ENPP1: variants seen among roughly 807,000 people sequenced by gnomAD.
ENPP1 encodes ectonucleotide pyrophosphatase/phosphodiesterase 1, also known as ectonucleotide pyrophosphatase/phosphodiesterase family member 1.
A neutral mutation model predicts 122.8 loss-of-function variants in ENPP1; 73 were observed. That is an observed-to-expected ratio of 0.59 (90% CI 0.49 to 0.72). The LOEUF is 0.72. Ranked by LOEUF, ENPP1 falls within the 30% of genes least tolerant of loss-of-function variation. The probability of loss-of-function intolerance (pLI) is 0.00; values close to 1 mark genes in which losing one functional copy is unlikely to be tolerated. For synonymous variants in ENPP1, 367 were observed against 391.6 expected (o/e 0.94, Z 0.74); for missense variants, 978 against 1,128.1 (o/e 0.87, Z 1.91).
At chr6:131,852,531 G>T (rs983708690) in intron 5 of ENPP1, among the ~76,000 whole-genome samples, 1 of 152,122 alleles carries the variant, frequency 6.6e-6, no homozygotes, top group Non-Finnish European at 1.5e-5. Flanking sequence ...GGATTTTGAA[G>T]CATTTGAGAT....
chr6:131,894,389 A>G lies in ENPP1; in HGVS notation c.*3878A>G, dbSNP rs1782519591. ...CAACCTCCACCTCCGGGGTTCTAGC[A>G]ATTCTCCTGCCTCAGCCTCCTGAGT... On this transcript the variant is annotated 3_prime_UTR_variant, in exon 25 of 25. Transcript: ENST00000647893. 1 of 151,252 alleles carries G rather than the reference A, an allele frequency of 6.6e-6. No individual in the cohort carries two copies. The allele number at this position is 151,252 out of a possible 1,614,324, so 9.4% of individuals were successfully genotyped here. A position where few individuals can be genotyped will look rare whatever the true frequency, so the allele number is the denominator to read the frequency against.
In ENPP1 at chr6:131,834,743, TAG is replaced by T. The variant is rs1781654230; in HGVS notation, c.241-13029_241-13028del. ...TAGAGACGGGGTTTCACCATTTTAGTAGAGACGGGGTTTCACCATGTTGGCCA... is the reference window on the plus strand; with the variant it reads ...TAGAGACGGGGTTTCACCATTTTAGTAGACGGGGTTTCACCATGTTGGCCA... On this transcript the variant is annotated intron_variant, in intron 1 of 24. Transcript: ENST00000647893. Among the ~76,000 whole-genome samples, 9 of 142,596 alleles carry T rather than the reference TAG, an allele frequency of 6.3e-5. No homozygotes were observed. The South Asian group carries it at 2.1e-3, about 34-fold the overall frequency. The allele number at this position is 142,596 out of a possible 152,430, so 93.5% of individuals were successfully genotyped here.
intron 23 of ENPP1, among the ~76,000 whole-genome samples, chr6:131,886,080 TAA>T (rs1782373556): frequency 6.6e-6 from 1 of 152,172 alleles, no homozygotes; most frequent in African/African-American, 2.4e-5. Flanking sequence ...TTTAAAAAAT[TAA>T]GTTATTAAGG....
intron 1 of ENPP1, among the ~76,000 whole-genome samples, chr6:131,822,578 C>CT (rs144693669): frequency 0.018 from 2,584 of 146,970 alleles, 65 homozygotes; most frequent in African/African-American, 0.055. Context: ...GTACATATCA[C>CT]TTTTAAAAAA....
intron 16 of ENPP1, among the ~76,000 whole-genome samples, chr6:131,874,658 C>G (rs1465556135): frequency 6.6e-6 from 1 of 151,988 alleles, no homozygotes; most frequent in Non-Finnish European, 1.5e-5. Context: ...AAAAATGAAA[C>G]TACCCCTAAT....
At chr6:131,853,973 A>G (rs78683307) in intron 5 of ENPP1, among the ~76,000 whole-genome samples, 75 of 152,278 alleles carry the variant, frequency 4.9e-4, no homozygotes, top group African/African-American at 1.7e-3. Context: ...TTGTATATGT[A>G]TGTATGTGTT....
At chr6:131,816,367 AC>A (rs1315268435) in intron 1 of ENPP1, among the ~76,000 whole-genome samples, 2 of 152,036 alleles carry the variant, frequency 1.3e-5, no homozygotes, top group East Asian at 3.9e-4. Flanking sequence ...ACCATAAAAT[AC>A]CCCCCAAACA....
In ENPP1 at chr6:131,889,423, C is replaced by T. The variant is rs535120460; in HGVS notation, c.2608-918C>T. On this transcript the variant is annotated intron_variant, in intron 24 of 24. Coordinates refer to ENST00000647893, the MANE Select transcript of ENPP1 (RefSeq NM_006208.3). ...CAACAGGCCCCAGTGTATTTTCTTC[C>T]CCCACACGTGTTTATGTGTTCTCAT... Among the ~76,000 whole-genome samples, 59 of 152,140 alleles carry T rather than the reference C, an allele frequency of 3.9e-4. 1 individual carries two copies. The South Asian group carries it at 0.012, about 32-fold the overall frequency.
At chr6:131,858,086 G>A (rs542092477) in intron 6 of ENPP1, among the ~76,000 whole-genome samples, 1 of 152,260 alleles carries the variant, frequency 6.6e-6, no homozygotes, top group South Asian at 2.1e-4. Context: ...TTAGTTATGT[G>A]TTCCCTCCTC....
chr6:131,848,085 C>G (rs960446297), intron 2 of ENPP1, among the ~76,000 whole-genome samples: 4 of 152,106 alleles, frequency 2.6e-5, no homozygotes, highest in Non-Finnish European at 4.4e-5. Flanking sequence ...GTCCTGGAGC[C>G]CATGCTCCCT....
intron 1 of ENPP1, among the ~76,000 whole-genome samples, chr6:131,818,661 A>AG (rs776221110): frequency 1.2e-4 from 18 of 147,656 alleles, no homozygotes; most frequent in Admixed American, 2.7e-4. Flanking sequence ...AAAAAAAAAA[A>AG]TGTCCTTGAT....
At chr6:131,826,756 G>T (rs960862472) in intron 1 of ENPP1, 5 of 474,398 alleles carry the variant, frequency 1.1e-5, no homozygotes, top group Admixed American at 3.3e-5. Flanking sequence ...AGGCTACTCT[G>T]CAAGTAGAGG....
chr6:131,877,206 G>A, intron 18 of ENPP1, 45 bp downstream of exon 18: 1 of 1,555,068 alleles, frequency 6.4e-7, no homozygotes, highest in Non-Finnish European at 8.8e-7. Flanking sequence ...TGGTTTGATA[G>A]CACCCTCTGC....
intron 1 of ENPP1, among the ~76,000 whole-genome samples, chr6:131,814,703 T>G (rs1781394637): frequency 6.6e-6 from 1 of 152,244 alleles, no homozygotes. Context: ...CTTTGGTTTA[T>G]AAAATTTGTT....
At chr6:131,829,675 C>G (rs918103348) in intron 1 of ENPP1, among the ~76,000 whole-genome samples, 3 of 152,158 alleles carry the variant, frequency 2.0e-5, no homozygotes, top group Non-Finnish European at 2.9e-5. Flanking sequence ...AACGGTCAAA[C>G]AGGGAATGGT....
At chr6:131,868,915 T>C (rs1782122714) in intron 12 of ENPP1, among the ~76,000 whole-genome samples, 1 of 152,184 alleles carries the variant, frequency 6.6e-6, no homozygotes, top group South Asian at 2.1e-4. Context: ...TTTGTTCTTG[T>C]TTTTTGCTTC....
At chr6:131,862,709 C>A (rs1260016463) in intron 9 of ENPP1, among the ~76,000 whole-genome samples, 1 of 152,156 alleles carries the variant, frequency 6.6e-6, no homozygotes, top group Non-Finnish European at 1.5e-5. Context: ...GATTGCAGGG[C>A]ATGGTCTGGT....
At chr6:131,838,587 T>C (rs187606610) in intron 1 of ENPP1, among the ~76,000 whole-genome samples, 33 of 141,798 alleles carry the variant, frequency 2.3e-4, no homozygotes, top group Non-Finnish European at 1.4e-4. Context: ...ATATTAACAG[T>C]AAGAAAAAAA....
rs564304453 is a variant in ENPP1, at chr6:131,893,949, CTTTTTTTTTTTTTTTTT to C, written c.*3452_*3468del. 1.2e-4 allele frequency: 7 copies of C among 59,498 alleles called. No homozygotes were observed. The Admixed American group carries it at 1.2e-3, about 10-fold the overall frequency. 3.7% of individuals were successfully genotyped at this position (59,498 alleles called of 1,614,324 possible). A position where few individuals can be genotyped will look rare whatever the true frequency, so the allele number is the denominator to read the frequency against. ...GTGAAACCTTTATTTATCTTGATTTCTTTTTTTTTTTTTTTTTTTTTTTTTTTTTTGAGATGCTCTGT... is the reference window on the plus strand; with the variant it reads ...GTGAAACCTTTATTTATCTTGATTTCTTTTTTTTTTTTTGAGATGCTCTGT... On this transcript the variant is annotated 3_prime_UTR_variant, in exon 25 of 25. Coordinates refer to ENST00000647893, the MANE Select transcript of ENPP1 (RefSeq NM_006208.3).
Sources: gnomAD v4.1 joint callset for allele counts (sites outside exome capture counted in the v4.1 genomes callset) on GRCh38, gnomAD v4.1.1 for gene constraint, MANE v1.5 for transcripts, NCBI Gene and HGNC (gene_info 2026-07-23, HGNC 2026-07-21) for gene names.